TMEM209: variants seen among roughly 807,000 people sequenced by gnomAD.
TMEM209 encodes the protein testicular tissue protein Li 202.
A neutral mutation model predicts 76.2 loss-of-function variants in TMEM209; 65 were observed. That is an observed-to-expected ratio of 0.85 (90% CI 0.70 to 1.05). The LOEUF is 1.05. Ranked by LOEUF, TMEM209 falls within the 50% of genes least tolerant of loss-of-function variation. The probability of loss-of-function intolerance (pLI) is 0.00; values close to 1 mark genes in which losing one functional copy is unlikely to be tolerated. For missense variants in TMEM209, 623 were observed against 685.5 expected (o/e 0.91, Z 1.02); for synonymous variants, 239 against 237.6 (o/e 1.01, Z -0.06).
chr7:130,179,270 C>T (rs771752468), intron 9 of TMEM209, among the ~76,000 whole-genome samples: 2 of 152,016 alleles, frequency 1.3e-5, no homozygotes, highest in Non-Finnish European at 2.9e-5. Flanking sequence ...TTAATTTGCA[C>T]GATCTACATT....
At chr7:130,168,023 C>T (rs939735842) in intron 14 of TMEM209, among the ~76,000 whole-genome samples, 1 of 152,056 alleles carries the variant, frequency 6.6e-6, no homozygotes, top group Non-Finnish European at 1.5e-5. Context: ...AAAATTGTAT[C>T]AATTTCTTTT....
intron 11 of TMEM209, among the ~76,000 whole-genome samples, chr7:130,174,309 C>A (rs550061981): frequency 6.6e-6 from 1 of 152,122 alleles, no homozygotes; most frequent in Non-Finnish European, 1.5e-5. Context: ...GCCATCAAAT[C>A]AGTCTATATT....
At chr7:130,203,243 G>A (rs1798284288) in intron 3 of TMEM209, among the ~76,000 whole-genome samples, 1 of 152,226 alleles carries the variant, frequency 6.6e-6, no homozygotes, top group South Asian at 2.1e-4. Flanking sequence ...TAGAGAGTTA[G>A]TTAGTGAAGC....
chr7:130,176,485 T>A (rs894954232), intron 10 of TMEM209, among the ~76,000 whole-genome samples: 1 of 152,206 alleles, frequency 6.6e-6, no homozygotes, highest in African/African-American at 2.4e-5. Flanking sequence ...TGTATATATG[T>A]GTACATACAC....
intron 5 of TMEM209, among the ~76,000 whole-genome samples, chr7:130,198,516 C>A (rs755827167): frequency 1.8e-4 from 27 of 151,998 alleles, no homozygotes; most frequent in Non-Finnish European, 3.8e-4. Context: ...GAGGCTAAGG[C>A]AGGAGAATCC....
Position 130,201,987 on chromosome 7 carries a change from G to C in TMEM209, c.436C>G (p.Arg146Gly). The C allele has an allele frequency of 6.2e-7, 1 of 1,613,894 alleles. No individual in the cohort carries two copies. The change falls in exon 5 of 15, where the codon CGT becomes GGT. Residue 146 changes from arginine (R) to glycine (G), a missense_variant. Coordinates refer to ENST00000397622, the MANE Select transcript of TMEM209 (RefSeq NM_032842.4). ...GQSVLSYSPSRSPSTSPKFTT... is the reference protein window; with the variant it reads ...GQSVLSYSPSGSPSTSPKFTT... ...AACTTGGGACTGGTACTGGGCGAAC[G>C]AGAAGGGCTATAACTCAACACACTC...
chr7:130,190,015 C>A (rs1038328207), intron 6 of TMEM209, among the ~76,000 whole-genome samples: 1 of 152,044 alleles, frequency 6.6e-6, no homozygotes, highest in African/African-American at 2.4e-5. Flanking sequence ...GGGGGATTAG[C>A]TCAAAGAATG....
intron 1 of TMEM209, 41 bp downstream of exon 1, chr7:130,205,332 A>G (rs755950428): frequency 1.7e-5 from 27 of 1,613,918 alleles, no homozygotes; most frequent in Non-Finnish European, 2.1e-5. Context: ...ACCCGCGTAG[A>G]TTCCAAGACA....
chr7:130,179,352 G>A (rs760525990), intron 9 of TMEM209, among the ~76,000 whole-genome samples: 10 of 152,122 alleles, frequency 6.6e-5, no homozygotes, highest in Non-Finnish European at 1.3e-4. Flanking sequence ...CCCCAGAGAA[G>A]CAGCCAAATC....
intron 1 of TMEM209, chr7:130,205,006 G>A: frequency 1.7e-6 from 2 of 1,185,668 alleles, no homozygotes; most frequent in Non-Finnish European, 2.1e-6. Flanking sequence ...GGAGAGAGGG[G>A]AAAACGTGCA....
intron 7 of TMEM209, among the ~76,000 whole-genome samples, chr7:130,184,554 G>A (rs559210915): frequency 2.0e-5 from 3 of 147,846 alleles, no homozygotes; most frequent in East Asian, 4.0e-4. Context: ...ACACAGTGAC[G>A]CAATCTTAGC....
In TMEM209 at chr7:130,166,350, A is replaced by C; in HGVS notation, c.*101T>G. On this transcript the variant is annotated 3_prime_UTR_variant, in exon 15 of 15. Coordinates refer to ENST00000397622, the MANE Select transcript of TMEM209 (RefSeq NM_032842.4). ...TCTAAAGAGTCTGTAACATACACCC[A>C]TGTGTATTTTATTTCAGAAGAGTCA... The C allele has an allele frequency of 2.3e-6, 2 of 853,686 alleles. No homozygotes were observed. The highest frequency in any genetic ancestry group is 1.9e-5 in the South Asian group (1 of 53,712). 52.9% of individuals were successfully genotyped at this position (853,686 alleles called of 1,614,324 possible). A position where few individuals can be genotyped will look rare whatever the true frequency, so the allele number is the denominator to read the frequency against.
intron 5 of TMEM209, among the ~76,000 whole-genome samples, chr7:130,199,348 G>T (rs1308831553): frequency 6.6e-6 from 1 of 151,968 alleles, no homozygotes; most frequent in Non-Finnish European, 1.5e-5. Flanking sequence ...CTCCCGAGTA[G>T]CTGCGACTAC....
chr7:130,205,309 C>CG lies in TMEM209; in HGVS notation c.3+63dup, dbSNP rs1304232844. 7.4e-6 allele frequency: 12 copies of CG among 1,613,522 alleles called. No individual in the cohort carries two copies. In the African/African-American group the frequency reaches 1.6e-4, roughly 22 times the overall value. On this transcript the variant is annotated intron_variant, in intron 1 of 14. Coordinates refer to ENST00000397622, the MANE Select transcript of TMEM209 (RefSeq NM_032842.4). ...TGAACCCAGGACAGATCAGCAGGCG[C>CG]GGAACTCCCACAACCCGCGTAGATT...
chr7:130,192,991 T>G (rs1797850856), intron 5 of TMEM209, among the ~76,000 whole-genome samples, 168 bp from the exon 6 acceptor site: 1 of 152,142 alleles, frequency 6.6e-6, no homozygotes, highest in African/African-American at 2.4e-5. Context: ...TCTTTGCTGG[T>G]GGGAATGCAA....
intron 8 of TMEM209, 89 bp downstream of exon 8, chr7:130,184,095 T>C: frequency 1.1e-6 from 1 of 881,002 alleles, no homozygotes; most frequent in Non-Finnish European, 1.7e-6. Context: ...AATATTCTAA[T>C]TTATAATGAA....
At chr7:130,174,108 T>C (rs764914008) in intron 11 of TMEM209, among the ~76,000 whole-genome samples, 169 bp from the exon 12 acceptor site, 9 of 152,204 alleles carry the variant, frequency 5.9e-5, no homozygotes, top group Non-Finnish European at 1.3e-4. Context: ...ATAAAATCTA[T>C]AGAATAAAAA....
chr7:130,169,789 G>T (rs1797008303), intron 14 of TMEM209, among the ~76,000 whole-genome samples: 1 of 151,838 alleles, frequency 6.6e-6, no homozygotes, highest in African/African-American at 2.4e-5. Context: ...GCTGGACCCA[G>T]AACCCAGGTT....
rs756357668 is a variant in TMEM209 at position 130,166,493 on chromosome 7, A to G, written c.1644T>C (p.Leu548=). 24 of 1,540,382 alleles carry G rather than the reference A, an allele frequency of 1.6e-5. No individual in the cohort carries two copies. Among genetic ancestry groups the G allele is most frequent in the Non-Finnish European group, 2.0e-5 (23 of 1,143,010 alleles). The change falls in exon 15 of 15, where the codon CTT becomes CTC. Residue 548 remains leucine (L), a synonymous_variant. Coordinates refer to ENST00000397622, the MANE Select transcript of TMEM209 (RefSeq NM_032842.4). ...KESGMLGRVN[L]GLSGVNILWI... ...ACAATATATTCACACCAGATAGACC[A>G]AGATTAACTCTCCTATAAAGAGAAA...
Sources: gnomAD v4.1 joint callset for allele counts (sites outside exome capture counted in the v4.1 genomes callset) on GRCh38, gnomAD v4.1.1 for gene constraint, MANE v1.5 for transcripts, NCBI Gene and HGNC (gene_info 2026-07-23, HGNC 2026-07-21) for gene names.